Variants in EPSTI1 observed in about 807,000 individuals in gnomAD.
EPSTI1 encodes the protein epithelial stromal interaction 1, also known as epithelial-stromal interaction protein 1.
Under a neutral mutation model 49.9 loss-of-function variants are expected in EPSTI1, and 66 were observed. The observed-to-expected ratio is 1.32, with a 90% CI of 1.08 to 1.62. The LOEUF (loss-of-function observed/expected upper bound fraction) is 1.62, where lower values mean the gene tolerates loss of function less well. Ranked by LOEUF, EPSTI1 falls within the 40% of genes most tolerant of loss-of-function variation. The pLI is 0.00. For synonymous variants in EPSTI1, 137 were observed against 130.7 expected (o/e 1.05, Z -0.33); for missense variants, 394 against 365.5 (o/e 1.08, Z -0.64).
chr13:42,948,060 G>T (rs114036684), intron 6 of EPSTI1, among the ~76,000 whole-genome samples: 1 of 152,250 alleles, frequency 6.6e-6, no homozygotes, highest in African/African-American at 2.4e-5. Context: ...ACCCCACAGC[G>T]CTCTCCACGG....
intron 9 of EPSTI1, among the ~76,000 whole-genome samples, chr13:42,897,447 G>A (rs1012495375): frequency 6.6e-6 from 1 of 152,136 alleles, no homozygotes; most frequent in Admixed American, 6.5e-5. Context: ...GCCGTGTTTT[G>A]CCCTATTCCC....
intron 6 of EPSTI1, among the ~76,000 whole-genome samples, 166 bp downstream of exon 6, chr13:42,953,782 A>G (rs2039175592): frequency 6.6e-6 from 1 of 152,184 alleles, no homozygotes; most frequent in Non-Finnish European, 1.5e-5. Flanking sequence ...GTGAGTAGAC[A>G]TGTCTCTCCC....
chr13:42,921,214 AAAAAG>A lies in EPSTI1; in HGVS notation c.658-3595_658-3591del, dbSNP rs368807813. Among the ~76,000 whole-genome samples, 40 of 152,342 alleles carry A rather than the reference AAAAAG, an allele frequency of 2.6e-4. 1 individual carries two copies. The highest frequency in any genetic ancestry group is 9.1e-4 in the African/African-American group (38 of 41,590). ...AAATCACATCATTACAGAATGCCAG[AAAAAG>A]AAAAGATGATATTAAAATATTTTCA... On this transcript the variant is annotated intron_variant, in intron 7 of 10. Transcript: ENST00000313624.
chr13:42,947,243 C>T (rs886223809), intron 6 of EPSTI1, among the ~76,000 whole-genome samples: 1 of 152,172 alleles, frequency 6.6e-6, no homozygotes, highest in Non-Finnish European at 1.5e-5. Context: ...TATTTTACTA[C>T]CTGTACTTTT....
chr13:42,971,701 A>G (rs1267487733), intron 1 of EPSTI1, among the ~76,000 whole-genome samples: 1 of 152,204 alleles, frequency 6.6e-6, no homozygotes, highest in African/African-American at 2.4e-5. Flanking sequence ...GCAAAGATTG[A>G]ACTGTAGAGG....
rs868024259 is a variant in EPSTI1 at position 42,911,262 on chromosome 13, T to C, written c.741+6279A>G. Among the ~76,000 whole-genome samples the C allele has an allele frequency of 2.4e-4, 28 of 116,308 alleles. 1 individual carries two copies. The highest frequency in any genetic ancestry group is 8.0e-4 in the African/African-American group (25 of 31,362). The allele number at this position is 116,308 out of a possible 152,430, so 76.3% of individuals were successfully genotyped here. A position where few individuals can be genotyped will look rare whatever the true frequency, so the allele number is the denominator to read the frequency against. On this transcript the variant is annotated intron_variant, in intron 8 of 10. Coordinates refer to ENST00000313624, the MANE Select transcript of EPSTI1 (RefSeq NM_033255.5). The stretch of plus-strand genomic sequence containing the variant: ...GAGAGAGAGTGTGTGTGTGTGTGTG[T>C]GTGCGCGCGCACGCGCGCACACGTG...
chr13:42,887,855 C>T lies in EPSTI1; in HGVS notation c.*639G>A, dbSNP rs138557442. The T allele has an allele frequency of 6.5e-6, 1 of 154,938 alleles. No individual in the cohort carries two copies. The highest frequency in any genetic ancestry group is 1.9e-4 in the East Asian group (1 of 5,286). The allele number at this position is 154,938 out of a possible 1,614,324, so 9.6% of individuals were successfully genotyped here. ...GGGTAACACTATTAGTAAGTCAAGACCAAAACAAGAGCCAACAGTAATGAC... is the reference window on the plus strand; with the variant it reads ...GGGTAACACTATTAGTAAGTCAAGATCAAAACAAGAGCCAACAGTAATGAC... On this transcript the variant is annotated 3_prime_UTR_variant, in exon 11 of 11. Coordinates refer to ENST00000313624, the MANE Select transcript of EPSTI1 (RefSeq NM_033255.5).
rs1011560111 is a variant in EPSTI1 at position 42,887,735 on chromosome 13, T to G, written c.*759A>C. On this transcript the variant is annotated 3_prime_UTR_variant, in exon 11 of 11. Coordinates refer to ENST00000313624, the MANE Select transcript of EPSTI1 (RefSeq NM_033255.5). ...AAAGAAAAAACAAGTTTCTGAAACA[T>G]GTACAAACTACATATGATGTCTATA... The G allele has an allele frequency of 6.6e-6, 1 of 152,238 alleles. No individual in the cohort carries two copies. Among genetic ancestry groups the G allele is most frequent in the Non-Finnish European group, 1.5e-5 (1 of 68,062 alleles). The allele number at this position is 152,238 out of a possible 1,614,324, so 9.4% of individuals were successfully genotyped here.
At chr13:42,899,305 C>G (rs1048381190) in intron 9 of EPSTI1, among the ~76,000 whole-genome samples, 1 of 152,110 alleles carries the variant, frequency 6.6e-6, no homozygotes, top group African/African-American at 2.4e-5. Flanking sequence ...CCACCACCAT[C>G]TTACCCAACA....
At chr13:42,961,810 A>C (rs961727966) in intron 5 of EPSTI1, among the ~76,000 whole-genome samples, 1 of 152,206 alleles carries the variant, frequency 6.6e-6, no homozygotes, top group African/African-American at 2.4e-5. Flanking sequence ...CTTGGGTGGC[A>C]ATAGGCTGCT....
At chr13:42,940,821 TA>T (rs1202795439) in intron 6 of EPSTI1, among the ~76,000 whole-genome samples, 1 of 152,256 alleles carries the variant, frequency 6.6e-6, no homozygotes, top group Non-Finnish European at 1.5e-5. Flanking sequence ...ACTGAAATAA[TA>T]AAATCTATAT....
chr13:42,991,873 T>C (rs1232987275), intron 1 of EPSTI1, 105 bp downstream of exon 1: 1 of 1,248,884 alleles, frequency 8.0e-7, no homozygotes, highest in Non-Finnish European at 1.1e-6. Flanking sequence ...AAAATCCCTG[T>C]TGTTGGGCCC....
At chr13:42,898,933 C>T (rs2037273916) in intron 9 of EPSTI1, among the ~76,000 whole-genome samples, 1 of 152,150 alleles carries the variant, frequency 6.6e-6, no homozygotes. Flanking sequence ...TGCGGTGGCT[C>T]ACTCCTGTAA....
intron 5 of EPSTI1, among the ~76,000 whole-genome samples, chr13:42,959,009 T>C (rs1265317436): frequency 6.6e-6 from 1 of 152,218 alleles, no homozygotes; most frequent in Non-Finnish European, 1.5e-5. Context: ...GTTGATATAA[T>C]AGATTCCAAC....
chr13:42,969,284 G>C (rs1566169815), intron 2 of EPSTI1, 107 bp from the exon 3 acceptor site: 2 of 1,043,512 alleles, frequency 1.9e-6, no homozygotes, highest in Non-Finnish European at 2.8e-6. Flanking sequence ...AACTATATGT[G>C]AGCATGAGTG....
chr13:42,900,741 C>T (rs985370044), intron 8 of EPSTI1, among the ~76,000 whole-genome samples: 1 of 152,038 alleles, frequency 6.6e-6, no homozygotes, highest in African/African-American at 2.4e-5. Flanking sequence ...GAATATCACA[C>T]AATACTATTT....
chr13:42,949,755 T>C (rs140370650), intron 6 of EPSTI1, among the ~76,000 whole-genome samples: 174 of 152,176 alleles, frequency 1.1e-3, no homozygotes, highest in African/African-American at 4.0e-3. Flanking sequence ...GCACACAAAA[T>C]GAATCTGTCC....
In EPSTI1 at chr13:42,888,411, T is replaced by C. The variant is rs1318552172; in HGVS notation, c.*83A>G. 6.2e-7 allele frequency: 1 copy of C among 1,614,102 alleles called. No homozygotes were observed. The highest frequency in any genetic ancestry group is 2.2e-5 in the East Asian group (1 of 44,864). ...GAAATTAAGGTAAAAACAGTGAGGC[T>C]GAACAAAATCACATTAAGAAAAAGC... is the stretch of plus-strand genomic sequence containing the variant. On this transcript the variant is annotated 3_prime_UTR_variant, in exon 11 of 11. Transcript: ENST00000313624.
intron 8 of EPSTI1, among the ~76,000 whole-genome samples, chr13:42,902,491 C>T (rs1282952333): frequency 6.6e-6 from 1 of 152,140 alleles, no homozygotes; most frequent in Non-Finnish European, 1.5e-5. Flanking sequence ...TTGCTGCAGT[C>T]TACTAGTCTG....
Sources: gnomAD v4.1 joint callset for allele counts (sites outside exome capture counted in the v4.1 genomes callset) on GRCh38, gnomAD v4.1.1 for gene constraint, MANE v1.5 for transcripts, NCBI Gene and HGNC (gene_info 2026-07-23, HGNC 2026-07-21) for gene names.